The following TPRG1 variants were observed in gnomAD, a reference collection of about 807,000 sequenced individuals.
TPRG1 encodes the protein tumor protein p63-regulated gene 1 protein.
In TPRG1, 29 loss-of-function variants were observed where a neutral mutation model predicts 29.3. The ratio of observed to expected loss-of-function variants is 0.99; its 90% CI spans 0.74 to 1.35. The LOEUF (loss-of-function observed/expected upper bound fraction) is 1.35. TPRG1 is among the 40% of genes most tolerant of loss of function. TPRG1 has a pLI of 0.00. For synonymous variants in TPRG1, 130 were observed against 116.8 expected (o/e 1.11, Z -0.73); for missense variants, 327 against 335.0 (o/e 0.98, Z 0.19).
chr3:189,118,771 T>C (rs1039365255), intron 1 of TPRG1, among the ~76,000 whole-genome samples: 1 of 152,064 alleles, frequency 6.6e-6, no homozygotes, highest in Non-Finnish European at 1.5e-5. Flanking sequence ...AGAACTGAGG[T>C]TTGGAAACCT....
At chr3:189,002,677 G>A (rs552839996) in intron 2 of TPRG1, among the ~76,000 whole-genome samples, 3 of 152,156 alleles carry the variant, frequency 2.0e-5, no homozygotes, top group African/African-American at 4.8e-5. Context: ...ATTACCCGAA[G>A]GAATTTTATG....
intron 1 of TPRG1, among the ~76,000 whole-genome samples, chr3:189,105,122 G>C (rs73053445): frequency 6.6e-6 from 1 of 152,120 alleles, no homozygotes. Context: ...ACAACTCTCT[G>C]ATGTTGGTGT....
intron 3 of TPRG1, among the ~76,000 whole-genome samples, chr3:189,017,877 C>G (rs1268311875): frequency 1.3e-5 from 2 of 151,792 alleles, no homozygotes. Flanking sequence ...TTCTCCACAT[C>G]CTCTCTGGCA....
intron 3 of TPRG1, among the ~76,000 whole-genome samples, chr3:189,139,525 C>A (rs1235187286): frequency 6.6e-6 from 1 of 152,194 alleles, no homozygotes; most frequent in Non-Finnish European, 1.5e-5. Flanking sequence ...TATTATCAGA[C>A]AATTACCAGC....
At chr3:189,065,908 G>A (rs1348960070) in intron 4 of TPRG1, among the ~76,000 whole-genome samples, 2 of 151,916 alleles carry the variant, frequency 1.3e-5, no homozygotes, top group Non-Finnish European at 1.5e-5. Context: ...AAAATCCCAA[G>A]GAATCTAAAG....
chr3:189,182,806 G>T (rs895936344), intron 1 of TPRG1, among the ~76,000 whole-genome samples: 1 of 151,948 alleles, frequency 6.6e-6, no homozygotes, highest in South Asian at 2.1e-4. Flanking sequence ...GCTTTATTGA[G>T]GTATAATTGA....
At chr3:189,094,893 G>C (rs1322979754) in intron 4 of TPRG1, among the ~76,000 whole-genome samples, 1 of 152,104 alleles carries the variant, frequency 6.6e-6, no homozygotes, top group South Asian at 2.1e-4. Flanking sequence ...TCGAGGCAGG[G>C]AGCAGGCCCA....
intron 4 of TPRG1, among the ~76,000 whole-genome samples, chr3:189,033,265 A>G (rs1005621134): frequency 6.6e-6 from 1 of 151,534 alleles, no homozygotes. Context: ...AGCTACGCAG[A>G]GTCATTATTC....
At chr3:189,094,152 G>T (rs1288802202) in intron 4 of TPRG1, among the ~76,000 whole-genome samples, 1 of 152,120 alleles carries the variant, frequency 6.6e-6, no homozygotes, top group African/African-American at 2.4e-5. Flanking sequence ...ACCATCAGAT[G>T]AGTCCTAAAC....
intron 4 of TPRG1, among the ~76,000 whole-genome samples, chr3:189,276,796 C>T (rs1018278732): frequency 1.3e-5 from 2 of 152,092 alleles, no homozygotes; most frequent in African/African-American, 4.8e-5. Flanking sequence ...CATATACATG[C>T]CCCCTTAAGC....
intron 4 of TPRG1, among the ~76,000 whole-genome samples, chr3:189,028,980 A>G (rs185500792): frequency 7.2e-5 from 11 of 152,104 alleles, no homozygotes; most frequent in Admixed American, 6.5e-4. Context: ...GTCCCCAGTC[A>G]TGGTCTATTT....
intron 3 of TPRG1, chr3:189,219,749 G>C: frequency 8.8e-7 from 1 of 1,138,394 alleles, no homozygotes; most frequent in Non-Finnish European, 1.1e-6. Flanking sequence ...GTGTGAAGTG[G>C]TGGTGGGCGA....
intron 4 of TPRG1, among the ~76,000 whole-genome samples, chr3:189,250,005 C>T (rs996681121): frequency 2.0e-5 from 3 of 151,982 alleles, no homozygotes; most frequent in African/African-American, 7.3e-5. Context: ...CCATAAAATC[C>T]CACCCTTATT....
intron 4 of TPRG1, among the ~76,000 whole-genome samples, chr3:189,305,902 C>T (rs562080719): frequency 2.0e-5 from 3 of 152,330 alleles, no homozygotes; most frequent in African/African-American, 7.2e-5. Context: ...GTAAAGAGTA[C>T]ATTGTCCTTC....
intron 4 of TPRG1, among the ~76,000 whole-genome samples, chr3:189,058,484 G>T (rs545435498): frequency 6.6e-6 from 1 of 152,266 alleles, no homozygotes; most frequent in African/African-American, 2.4e-5. Context: ...AATTAATTCT[G>T]CTTTATTCTT....
chr3:189,163,957 G>T (rs1309631688), intron 5 of TPRG1, among the ~76,000 whole-genome samples: 2 of 99,920 alleles, frequency 2.0e-5, no homozygotes, highest in Admixed American at 1.9e-4. Context: ...CAAAAAATAT[G>T]CATTTTTTTT....
intron 5 of TPRG1, among the ~76,000 whole-genome samples, chr3:189,155,091 G>A (rs1360877755): frequency 1.3e-5 from 2 of 152,136 alleles, no homozygotes; most frequent in African/African-American, 4.8e-5. Context: ...GGACCCACGT[G>A]GAGGCTAATA....
At chr3:189,164,563 G>A (rs4686504) in intron 5 of TPRG1, among the ~76,000 whole-genome samples, 14,214 of 151,406 alleles carry the variant, frequency 0.094, 864 homozygotes, top group Admixed American at 0.17. Context: ...TCTAGTCATT[G>A]CATTTGTTAT....
At chr3:189,142,172 G>A (rs7612832) in intron 3 of TPRG1, among the ~76,000 whole-genome samples, 3 of 152,168 alleles carry the variant, frequency 2.0e-5, no homozygotes, top group Non-Finnish European at 2.9e-5. Context: ...TACAGAGGAC[G>A]CGTCCAGGTC....
Sources: allele counts gnomAD v4.1 joint callset (sites outside exome capture counted in the v4.1 genomes callset), GRCh38; gene constraint gnomAD v4.1.1; transcripts MANE v1.5; gene names NCBI Gene and HGNC (gene_info 2026-07-23, HGNC 2026-07-21).